The following TUSC3 variants were observed in gnomAD, a reference collection of about 807,000 sequenced individuals.
The protein encoded by TUSC3 is dolichyl-diphosphooligosaccharide--protein glycosyltransferase subunit TUSC3.
A neutral mutation model predicts 44.8 loss-of-function variants in TUSC3; 45 were observed. The ratio of observed to expected loss-of-function variants is 1.00; its 90% CI spans 0.79 to 1.29. The LOEUF is 1.29. Among genes scored for constraint, TUSC3 ranks in the 50% most tolerant of loss-of-function variants. The pLI is 0.00. For missense variants in TUSC3, 519 were observed against 437.9 expected, an observed-to-expected ratio of 1.19 and a Z score of -1.65; for synonymous variants, 212 against 152.9, an observed-to-expected ratio of 1.39 and a Z score of -2.85.
At chr8:15,689,215 C>T (rs1401005002) in intron 6 of TUSC3, 1 of 354,938 alleles carries the variant, frequency 2.8e-6, no homozygotes, top group Admixed American at 3.5e-5. Flanking sequence ...TCCATTTTCT[C>T]TTCTTTGCAT....
intron 1 of TUSC3, among the ~76,000 whole-genome samples, chr8:15,612,225 TAAAC>T (rs1430924738): frequency 6.6e-6 from 1 of 152,120 alleles, no homozygotes; most frequent in African/African-American, 2.4e-5. Flanking sequence ...ATGTGACTGG[TAAAC>T]AAACACGTGA....
At chr8:15,821,870 C>T in the TUSC3 span, among the ~76,000 whole-genome samples, 1 of 152,080 alleles carries the variant, frequency 6.6e-6, no homozygotes, top group Admixed American at 6.6e-5. Context: ...CAACTAAATT[C>T]CCAAATTCTG....
chr8:15,639,972 A>G (rs548584333), intron 2 of TUSC3, among the ~76,000 whole-genome samples: 12 of 152,304 alleles, frequency 7.9e-5, no homozygotes, highest in South Asian at 4.1e-4. Context: ...GAGAGTTAAC[A>G]TAGCAGGCCT....
chr8:15,843,833 T>C, the TUSC3 span, among the ~76,000 whole-genome samples: 1 of 152,042 alleles, frequency 6.6e-6, no homozygotes, highest in East Asian at 1.9e-4. Context: ...GAATATCTCA[T>C]GTGTCAGTAA....
chr8:15,454,407 G>A (rs1443453961), intron 1 of TUSC3, among the ~76,000 whole-genome samples: 1 of 152,162 alleles, frequency 6.6e-6, no homozygotes, highest in East Asian at 1.9e-4. Context: ...TAAATTTGCT[G>A]CCACCAACAT....
intron 1 of TUSC3, among the ~76,000 whole-genome samples, chr8:15,429,381 T>C (rs1458081858): frequency 1.3e-5 from 2 of 150,876 alleles, no homozygotes; most frequent in Non-Finnish European, 2.9e-5. Flanking sequence ...AGCCTTGTAG[T>C]ATAGTTTGAA....
At chr8:15,517,514 G>T (rs1424597419) in intron 2 of TUSC3, among the ~76,000 whole-genome samples, 3 of 102,476 alleles carry the variant, frequency 2.9e-5, no homozygotes, top group Non-Finnish European at 5.2e-5. Context: ...CTAACATTTA[G>T]CGTGAGGCAA....
chr8:15,738,544 A>G (rs925148192), intron 7 of TUSC3, among the ~76,000 whole-genome samples: 1 of 152,160 alleles, frequency 6.6e-6, no homozygotes, highest in Non-Finnish European at 1.5e-5. Flanking sequence ...AGTAATAGCA[A>G]CAGACTCCAT....
chr8:15,522,033 T>A (rs768143633), intron 2 of TUSC3, among the ~76,000 whole-genome samples: 2 of 152,150 alleles, frequency 1.3e-5, no homozygotes, highest in Non-Finnish European at 2.9e-5. Context: ...TATTCCAACC[T>A]CCCTTGCCTC....
intron 1 of TUSC3, among the ~76,000 whole-genome samples, chr8:15,460,398 A>G (rs1280665796): frequency 3.3e-5 from 5 of 151,548 alleles, no homozygotes; most frequent in African/African-American, 9.7e-5. Flanking sequence ...TTGTTTTTTT[A>G]TCGCTGATTT....
chr8:15,474,003 C>G (rs540540015), intron 1 of TUSC3, among the ~76,000 whole-genome samples: 1 of 152,236 alleles, frequency 6.6e-6, no homozygotes, highest in African/African-American at 2.4e-5. Context: ...CCACTTAAGA[C>G]CGGCACTCCC....
At chr8:15,800,970 C>G in the TUSC3 span, among the ~76,000 whole-genome samples, 1 of 152,086 alleles carries the variant, frequency 6.6e-6, no homozygotes, top group Admixed American at 6.5e-5. Flanking sequence ...TTATTACATG[C>G]CTGCACTATT....
chr8:15,647,080 G>A (rs551059589), intron 2 of TUSC3, among the ~76,000 whole-genome samples: 2 of 151,988 alleles, frequency 1.3e-5, no homozygotes, highest in African/African-American at 4.8e-5. Context: ...GTTGGCTATC[G>A]TTCTATATTG....
intron 1 of TUSC3, among the ~76,000 whole-genome samples, chr8:15,458,257 A>C (rs1412058193): frequency 6.6e-6 from 1 of 151,870 alleles, no homozygotes; most frequent in Non-Finnish European, 1.5e-5. Flanking sequence ...TTTTCTTTTT[A>C]AGACAAGGTC....
chr8:15,703,175 T>C lies in TUSC3; in HGVS notation c.799-27491T>C, dbSNP rs1012497898. 3.9e-5 allele frequency among the ~76,000 whole-genome samples: 6 copies of C among 152,248 alleles called. No individual in the cohort carries two copies. In the South Asian group the frequency reaches 8.3e-4, roughly 21 times the overall value. On this transcript the variant is annotated intron_variant, in intron 6 of 10. Coordinates refer to ENST00000503731, the MANE Select transcript of TUSC3 (RefSeq NM_006765.4). Reference sequence around the variant, plus strand: ...GAAGAAAGTATCTTTCTAAACTCTTTATGAATTCAAGAATGTTATAGAGAA... The same window carrying C: ...GAAGAAAGTATCTTTCTAAACTCTTCATGAATTCAAGAATGTTATAGAGAA...
At chr8:15,624,487 T>C (rs1180043767) in intron 2 of TUSC3, among the ~76,000 whole-genome samples, 1 of 152,214 alleles carries the variant, frequency 6.6e-6, no homozygotes, top group Non-Finnish European at 1.5e-5. Context: ...TGTGACTATT[T>C]TATTTTAGCC....
chr8:15,679,887 G>T (rs556144714), intron 6 of TUSC3, among the ~76,000 whole-genome samples: 1 of 151,954 alleles, frequency 6.6e-6, no homozygotes, highest in Non-Finnish European at 1.5e-5. Context: ...CAAAGATCAG[G>T]TGGTTGTAGA....
intron 4 of TUSC3, among the ~76,000 whole-genome samples, chr8:15,661,020 G>T (rs1807399626): frequency 6.6e-6 from 1 of 151,144 alleles, no homozygotes; most frequent in South Asian, 2.1e-4. Flanking sequence ...TTCACCTATT[G>T]TTAACATTTT....
At chr8:15,653,535 G>C (rs1282644429) in intron 3 of TUSC3, among the ~76,000 whole-genome samples, 2 of 152,190 alleles carry the variant, frequency 1.3e-5, no homozygotes, top group Non-Finnish European at 2.9e-5. Context: ...GTTGAAGTCA[G>C]TTGTTTTTAA....
Sources: gnomAD v4.1 joint callset for allele counts (sites outside exome capture counted in the v4.1 genomes callset) on GRCh38, gnomAD v4.1.1 for gene constraint, MANE v1.5 for transcripts, NCBI Gene and HGNC (gene_info 2026-07-23, HGNC 2026-07-21) for gene names.